DNAH6: variants seen among roughly 807,000 people sequenced by gnomAD.
DNAH6 encodes dynein axonemal heavy chain 6.
A neutral mutation model predicts 491.4 loss-of-function variants in DNAH6; 340 were observed. The ratio of observed to expected loss-of-function variants is 0.69; its 90% confidence interval spans 0.63 to 0.76. The LOEUF is 0.76. Ranked by LOEUF, DNAH6 falls within the 30% of genes least tolerant of loss-of-function variation. The pLI is 0.00. For synonymous variants in DNAH6, 1,603 were observed against 1,686.1 expected (o/e 0.95, Z 1.21); for missense variants, 4,443 against 4,972.2 (o/e 0.89, Z 3.20).
intron 28 of DNAH6, 43 bp from the exon 29 acceptor site, chr2:84,624,859 A>G (rs1464195124): frequency 6.7e-7 from 1 of 1,488,406 alleles, no homozygotes; most frequent in East Asian, 2.5e-5. Context: ...ATTTGTGGCC[A>G]GAGTTGGTTC....
At chr2:84,792,639 A>G (rs77529579) in intron 68 of DNAH6, among the ~76,000 whole-genome samples, 4,277 of 152,214 alleles carry the variant, frequency 0.028, 210 homozygotes, top group African/African-American at 0.098. Flanking sequence ...GGAAGTGTGT[A>G]TGGAGGGCAG....
chr2:84,715,750 CAA>C, intron 58 of DNAH6, 123 bp downstream of exon 58: 4 of 866,302 alleles, frequency 4.6e-6, no homozygotes, highest in Non-Finnish European at 7.0e-6. Context: ...AACCCTTAAT[CAA>C]AAAAAAATAC....
rs1437497822 is a variant in DNAH6, at chr2:84,562,601, A to C, written c.1803+4666A>C. On this transcript the variant is annotated intron_variant, in intron 11 of 76. Coordinates refer to ENST00000389394, the MANE Select transcript of DNAH6 (RefSeq NM_001370.2). ...CTCGCAGGACTCAGTGTATAATTTT[A>C]CTCATGGCTATGATTATTACAGTGT... is the stretch of plus-strand genomic sequence containing the variant. Among the ~76,000 whole-genome samples, 3 of 152,320 alleles carry C rather than the reference A, an allele frequency of 2.0e-5. No individual in the cohort carries two copies. In the East Asian group the frequency reaches 5.8e-4, roughly 29 times the overall value.
chr2:84,598,773 T>G (rs569536540), intron 18 of DNAH6, among the ~76,000 whole-genome samples: 10 of 152,312 alleles, frequency 6.6e-5, no homozygotes, highest in African/African-American at 2.2e-4. Flanking sequence ...GGCTCATGCC[T>G]ATAATCCCAG....
intron 31 of DNAH6, among the ~76,000 whole-genome samples, chr2:84,638,446 A>G (rs1370223039): frequency 6.6e-6 from 1 of 152,092 alleles, no homozygotes; most frequent in East Asian, 1.9e-4. Flanking sequence ...CCAAAATATA[A>G]GGCATTTTTA....
chr2:84,812,918 G>A (rs1425934888), intron 73 of DNAH6, 140 bp from the exon 74 acceptor site: 3 of 666,600 alleles, frequency 4.5e-6, no homozygotes, highest in Non-Finnish European at 7.8e-6. Flanking sequence ...AATGCGGCAG[G>A]CAGTGAAATG....
intron 4 of DNAH6, among the ~76,000 whole-genome samples, chr2:84,537,432 C>T (rs1677802248): frequency 6.6e-6 from 1 of 151,930 alleles, no homozygotes; most frequent in African/African-American, 2.4e-5. Flanking sequence ...CTTTCATATG[C>T]ACTCAATGTG....
chr2:84,625,266 A>G (rs1208204841), intron 29 of DNAH6, among the ~76,000 whole-genome samples: 1 of 152,218 alleles, frequency 6.6e-6, no homozygotes, highest in African/African-American at 2.4e-5. Flanking sequence ...ATAAGAATCA[A>G]GGCCAGGGGA....
chr2:84,626,410 G>T (rs891723353), intron 29 of DNAH6, among the ~76,000 whole-genome samples: 1 of 152,050 alleles, frequency 6.6e-6, no homozygotes, highest in Admixed American at 6.5e-5. Flanking sequence ...ACATAAAAAT[G>T]TAAATCCCTT....
intron 16 of DNAH6, among the ~76,000 whole-genome samples, chr2:84,592,731 A>G (rs1684225509): frequency 2.0e-5 from 3 of 152,230 alleles, no homozygotes; most frequent in Admixed American, 2.0e-4. Context: ...GTATCTACAT[A>G]AAATAGAATT....
chr2:84,567,650 A>G (rs1681349204), intron 11 of DNAH6, among the ~76,000 whole-genome samples: 1 of 152,238 alleles, frequency 6.6e-6, no homozygotes, highest in Admixed American at 6.5e-5. Flanking sequence ...AATTAACTCA[A>G]GATGGATTAA....
intron 4 of DNAH6, among the ~76,000 whole-genome samples, chr2:84,535,564 C>T (rs1677604729): frequency 6.6e-6 from 1 of 151,346 alleles, no homozygotes; most frequent in Non-Finnish European, 1.5e-5. Context: ...GATAAAGAAG[C>T]TCAAGAAGCT....
chr2:84,552,147 G>C (rs983320394), intron 9 of DNAH6, among the ~76,000 whole-genome samples: 8 of 152,172 alleles, frequency 5.3e-5, no homozygotes, highest in African/African-American at 1.7e-4. Context: ...TACACAAGGT[G>C]GTATATCACT....
chr2:84,590,635 A>G (rs1573130789), intron 16 of DNAH6, among the ~76,000 whole-genome samples: 1 of 152,166 alleles, frequency 6.6e-6, no homozygotes, highest in Non-Finnish European at 1.5e-5. Flanking sequence ...CACTGACTCA[A>G]CAACCCCTGA....
intron 63 of DNAH6, chr2:84,750,654 G>C (rs989303343): frequency 4.6e-5 from 7 of 152,062 alleles, no homozygotes; most frequent in Non-Finnish European, 8.8e-5. Context: ...AAATGTTGAA[G>C]GTGGGTGAAG....
intron 64 of DNAH6, among the ~76,000 whole-genome samples, chr2:84,768,143 G>T (rs1245857180): frequency 1.3e-5 from 2 of 151,940 alleles, no homozygotes. Context: ...CCTAAATTCA[G>T]AATTAGAGGG....
the DNAH6 span, among the ~76,000 whole-genome samples, chr2:84,499,994 G>T: frequency 6.6e-6 from 1 of 150,536 alleles, no homozygotes; most frequent in African/African-American, 2.4e-5. Flanking sequence ...TCTTCACTTT[G>T]TTATCGTACC....
At chr2:84,753,704 C>G (rs1340670763) in intron 63 of DNAH6, among the ~76,000 whole-genome samples, 1 of 136,830 alleles carries the variant, frequency 7.3e-6, no homozygotes, top group African/African-American at 2.8e-5. Flanking sequence ...TTGTGGTGAT[C>G]CAAGATCACA....
chr2:84,682,999 G>A (rs1298225337), intron 42 of DNAH6, among the ~76,000 whole-genome samples: 1 of 152,058 alleles, frequency 6.6e-6, no homozygotes, highest in Non-Finnish European at 1.5e-5. Context: ...CCACCTCCTT[G>A]CCATTCCTGA....
Sources: gnomAD v4.1 joint callset for allele counts (sites outside exome capture counted in the v4.1 genomes callset) on GRCh38, gnomAD v4.1.1 for gene constraint, MANE v1.5 for transcripts, NCBI Gene and HGNC (gene_info 2026-07-23, HGNC 2026-07-21) for gene names.